The following ARHGAP6 variants were observed in gnomAD, a reference collection of about 807,000 sequenced individuals.
The protein encoded by ARHGAP6 is Rho GTPase activating protein 6.
Under a neutral mutation model 55.7 loss-of-function variants are expected in ARHGAP6, and 16 were observed. That is an observed-to-expected ratio of 0.29 (90% confidence interval 0.19 to 0.44). The LOEUF (loss-of-function observed/expected upper bound fraction) is 0.44. Among genes scored for constraint, ARHGAP6 ranks in the 20% least tolerant of loss-of-function variants. The probability of loss-of-function intolerance (pLI) is 1.00; values close to 1 mark genes in which losing one functional copy is unlikely to be tolerated. For synonymous variants in ARHGAP6, 382 were observed against 360.9 expected (o/e 1.06, Z -0.66); for missense variants, 698 against 808.9 (o/e 0.86, Z 1.66).
chrX:11,621,541 G>A (rs1252979776), intron 1 of ARHGAP6, among the ~76,000 whole-genome samples: 1 of 111,393 alleles, frequency 9.0e-6, no homozygotes, highest in Non-Finnish European at 1.9e-5. Flanking sequence ...GAGGCAGCTG[G>A]TAAGTGTTTT....
At chrX:11,368,458 C>T (rs935599270) in intron 1 of ARHGAP6, among the ~76,000 whole-genome samples, 3 of 111,812 alleles carry the variant, frequency 2.7e-5, no homozygotes, top group Non-Finnish European at 3.8e-5. Context: ...AGAAGATCCC[C>T]GTGACATATT....
intron 1 of ARHGAP6, among the ~76,000 whole-genome samples, chrX:11,564,609 C>T (rs1369987557): frequency 9.0e-6 from 1 of 111,523 alleles, no homozygotes; most frequent in Non-Finnish European, 1.9e-5. Context: ...GACTATTTCA[C>T]ATCATGATGA....
chrX:11,488,403 C>T (rs759667636), intron 1 of ARHGAP6, among the ~76,000 whole-genome samples: 2 of 111,837 alleles, frequency 1.8e-5, no homozygotes, highest in African/African-American at 6.5e-5. Context: ...TTACTTCGAC[C>T]TTTTTGTAAG....
intron 1 of ARHGAP6, among the ~76,000 whole-genome samples, chrX:11,623,527 TA>T (rs1169940058): frequency 7.0e-4 from 70 of 100,080 alleles, no homozygotes; most frequent in Admixed American, 9.7e-4. Flanking sequence ...CCGTCTCTAC[TA>T]AAAAAAAAAA....
chrX:11,314,281 A>G (rs919606881), intron 1 of ARHGAP6, among the ~76,000 whole-genome samples: 1 of 111,627 alleles, frequency 9.0e-6, no homozygotes, highest in East Asian at 2.8e-4. Context: ...CAGCTTGTGG[A>G]TCCTCTGCCC....
chrX:11,356,479 T>C (rs2048932582), intron 1 of ARHGAP6, among the ~76,000 whole-genome samples: 2 of 111,822 alleles, frequency 1.8e-5, no homozygotes, highest in African/African-American at 6.5e-5. Context: ...TTTGGCAAGA[T>C]GACTATTTCC....
intron 1 of ARHGAP6, among the ~76,000 whole-genome samples, chrX:11,326,948 A>G (rs1000895763): frequency 2.7e-5 from 3 of 111,737 alleles, no homozygotes; most frequent in African/African-American, 9.8e-5. Context: ...ACTTGACCCA[A>G]TCATCCACTG....
At chrX:11,147,307 CACATATT>C (rs1464122469) in intron 10 of ARHGAP6, among the ~76,000 whole-genome samples, 3 of 103,239 alleles carry the variant, frequency 2.9e-5, no homozygotes, top group Non-Finnish European at 4.1e-5. Flanking sequence ...TATACACAGA[CACATATT>C]ACATATACAC....
chrX:11,196,619 G>A (rs758989838), intron 3 of ARHGAP6, among the ~76,000 whole-genome samples: 5 of 111,334 alleles, frequency 4.5e-5, no homozygotes, highest in Non-Finnish European at 9.4e-5. Context: ...TAGCATTAGA[G>A]ATGCTCTCCA....
chrX:11,200,357 A>G (rs756747783), intron 2 of ARHGAP6, among the ~76,000 whole-genome samples: 23 of 112,148 alleles, frequency 2.1e-4, no homozygotes, highest in African/African-American at 7.1e-4. Flanking sequence ...ATGTGTCAAG[A>G]GGAAACCATG....
chrX:11,402,728 C>T (rs555834218), intron 1 of ARHGAP6, among the ~76,000 whole-genome samples: 1 of 111,982 alleles, frequency 8.9e-6, no homozygotes, highest in South Asian at 3.7e-4. Flanking sequence ...GCCTGCCACT[C>T]CCCTATTCTC....
chrX:11,624,888 C>T (rs1270539910), intron 1 of ARHGAP6, among the ~76,000 whole-genome samples: 1 of 111,571 alleles, frequency 9.0e-6, no homozygotes, highest in African/African-American at 3.3e-5. Context: ...ATAAAATTGG[C>T]CAACAGGTAT....
chrX:11,382,918 A>G (rs1314856389), intron 1 of ARHGAP6, among the ~76,000 whole-genome samples: 1 of 112,375 alleles, frequency 8.9e-6, no homozygotes, highest in Non-Finnish European at 1.9e-5. Context: ...TCTGTTAGAA[A>G]TTTACCTCAA....
At chrX:11,355,811 G>T (rs1302495659) in intron 1 of ARHGAP6, among the ~76,000 whole-genome samples, 1 of 111,494 alleles carries the variant, frequency 9.0e-6, no homozygotes, top group East Asian at 2.8e-4. Flanking sequence ...AGGAGAAGGG[G>T]ATGGCTGGAA....
chrX:11,443,099 C>A (rs180735324), intron 1 of ARHGAP6, among the ~76,000 whole-genome samples: 125 of 111,889 alleles, frequency 1.1e-3, no homozygotes, highest in African/African-American at 3.8e-3. Flanking sequence ...TGATCTCTAC[C>A]CCTAAAAGGA....
At chrX:11,431,782 A>G (rs2049942768) in intron 1 of ARHGAP6, among the ~76,000 whole-genome samples, 1 of 112,385 alleles carries the variant, frequency 8.9e-6, no homozygotes, top group African/African-American at 3.2e-5. Context: ...ACCTTCACTG[A>G]GGTCAAAAAT....
At chrX:11,161,419 T>TA (rs34195003) in intron 9 of ARHGAP6, among the ~76,000 whole-genome samples, 20,567 of 109,368 alleles carry the variant, frequency 0.19, 1,496 homozygotes, top group Middle Eastern at 0.28. Flanking sequence ...TAGGATGCTG[T>TA]AAAAAAAAAT....
chrX:11,610,353 CCATTT>C (rs1008585433), intron 1 of ARHGAP6, among the ~76,000 whole-genome samples: 2 of 111,194 alleles, frequency 1.8e-5, no homozygotes, highest in African/African-American at 6.6e-5. Flanking sequence ...CTCACATACA[CCATTT>C]CATTTAATTC....
At chrX:11,562,886 T>C (rs1361369062) in intron 1 of ARHGAP6, among the ~76,000 whole-genome samples, 2 of 112,265 alleles carry the variant, frequency 1.8e-5, no homozygotes, top group Non-Finnish European at 3.8e-5. Flanking sequence ...TAATAATGCC[T>C]TTATGTTAAT....
Sources: gnomAD v4.1 joint callset for allele counts (sites outside exome capture counted in the v4.1 genomes callset) on GRCh38, gnomAD v4.1.1 for gene constraint, MANE v1.5 for transcripts, NCBI Gene and HGNC (gene_info 2026-07-23, HGNC 2026-07-21) for gene names.